Variants in MED14 observed in about 807,000 individuals in gnomAD.
The protein encoded by MED14 is mediator of RNA polymerase II transcription subunit 14.
A neutral mutation model predicts 109.0 loss-of-function variants in MED14; 8 were observed. The ratio of observed to expected loss-of-function variants is 0.07; its 90% CI spans 0.04 to 0.13. The LOEUF (loss-of-function observed/expected upper bound fraction) is 0.13, where lower values mean the gene tolerates loss of function less well. Ranked by LOEUF, MED14 falls within the 10% of genes least tolerant of loss-of-function variation. The pLI, the probability that MED14 is intolerant of heterozygous loss-of-function variation, is 1.00. For synonymous variants in MED14, 399 were observed against 408.7 expected (o/e 0.98, Z 0.29); for missense variants, 711 against 1,142.4 (o/e 0.62, Z 5.44).
chrX:40,689,097 G>A (rs975102062), intron 15 of MED14, among the ~76,000 whole-genome samples: 2 of 112,491 alleles, frequency 1.8e-5, no homozygotes, highest in East Asian at 2.8e-4. Context: ...CAGAGATAGT[G>A]CCTGAAACCC....
At chrX:40,668,148 C>T (rs775989400) in intron 23 of MED14, among the ~76,000 whole-genome samples, 21 of 111,183 alleles carry the variant, frequency 1.9e-4, no homozygotes, top group African/African-American at 5.2e-4. Flanking sequence ...TTTGGGAGGG[C>T]GAAGTGGGCG....
intron 1 of MED14, among the ~76,000 whole-genome samples, chrX:40,732,705 A>AT (rs1239650634): frequency 9.2e-6 from 1 of 108,293 alleles, no homozygotes; most frequent in Non-Finnish European, 1.9e-5. Context: ...AGTTGAGCCC[A>AT]TGTCGAGAGG....
intron 3 of MED14, among the ~76,000 whole-genome samples, chrX:40,722,484 A>G (rs928449911): frequency 3.6e-5 from 4 of 111,899 alleles, no homozygotes; most frequent in Admixed American, 1.9e-4. Flanking sequence ...AACAGCCTCA[A>G]AAGAACAAAT....
intron 1 of MED14, 80 bp from the exon 2 acceptor site, chrX:40,729,425 T>C: frequency 1.4e-5 from 13 of 949,013 alleles, no homozygotes; most frequent in Non-Finnish European, 1.7e-5. Context: ...TTTGACTCTA[T>C]TAAATACGTT....
At position 40,654,959 on chromosome X, in the gene MED14, C is replaced by T. The variant is rs1569277219; in HGVS notation, c.4074G>A (p.Val1358=). The T allele has an allele frequency of 8.3e-7, 1 of 1,210,239 alleles. No individual in the cohort carries two copies. ...PIAPPGTPAV[V]LKSKMLFFLQ... ...CAAAAAATAGCATTTTGGATTTCAG[C>T]ACCACAGCAGGCGTCCCAGGAGGTG... The change falls in exon 29 of 31, where the codon GTG becomes GTA. Residue 1358 remains valine (V), a synonymous_variant. Transcript: ENST00000324817.
chrX:40,703,403 ATT>A, intron 11 of MED14, 39 bp downstream of exon 11: 1 of 1,091,795 alleles, frequency 9.2e-7, no homozygotes. Context: ...GTTAAAAATA[ATT>A]TTTCTTACAT....
In MED14 at chrX:40,651,372, T is replaced by G; in HGVS notation, c.*434A>C. On this transcript the variant is annotated 3_prime_UTR_variant, in exon 31 of 31. Transcript: ENST00000324817. ...ATGTAAGGATTCAAAGCGGTCATAT[T>G]AAAATACAGCTTCAATATAAAGTTT... is the stretch of plus-strand genomic sequence containing the variant. The G allele has an allele frequency of 1.3e-6, 1 of 752,072 alleles. No homozygotes were observed. Among genetic ancestry groups the G allele is most frequent in the Non-Finnish European group, 1.6e-6 (1 of 636,674 alleles). 62.0% of individuals were successfully genotyped at this position (752,072 alleles called of 1,213,427 possible). A position where few individuals can be genotyped will look rare whatever the true frequency, so the allele number is the denominator to read the frequency against.
chrX:40,664,843 A>T (rs906932872), intron 24 of MED14, among the ~76,000 whole-genome samples: 1 of 111,555 alleles, frequency 9.0e-6, no homozygotes, highest in Non-Finnish European at 1.9e-5. Flanking sequence ...TTTTAAACCA[A>T]CTTTGACAAA....
chrX:40,679,233 A>G lies in MED14; in HGVS notation c.2880+631T>C, dbSNP rs768537626. Reference sequence around the variant, plus strand: ...TTTTTAAATGCATCAGGCCAGGCACAGATTACATCACGCCTGTAATCCCAG... The same window carrying G: ...TTTTTAAATGCATCAGGCCAGGCACGGATTACATCACGCCTGTAATCCCAG... On this transcript the variant is annotated intron_variant, in intron 21 of 30. Transcript: ENST00000324817. Among the ~76,000 whole-genome samples the G allele has an allele frequency of 5.4e-5, 6 of 111,744 alleles. No homozygotes were observed. In the East Asian group the frequency reaches 1.7e-3, roughly 31 times the overall value.
At chrX:40,678,729 C>T (rs1930004065) in intron 21 of MED14, among the ~76,000 whole-genome samples, 1 of 109,664 alleles carries the variant, frequency 9.1e-6, no homozygotes, top group Non-Finnish European at 1.9e-5. Flanking sequence ...TGGATTTAGC[C>T]CTGGTGGTTG....
chrX:40,675,423 A>G (rs1929880207), intron 21 of MED14, 62 bp from the exon 22 acceptor site: 1 of 867,441 alleles, frequency 1.2e-6, no homozygotes, highest in South Asian at 3.4e-5. Flanking sequence ...AAAATATTTT[A>G]AATTATTTAG....
At position 40,649,895 on chromosome X, in the gene MED14, A is replaced by G; in HGVS notation, c.*1911T>C. ...ACAATGCATTCAGAGATGAGTTATA[A>G]TTAGGAAAAAAGAGTGTCCACTGAA... On this transcript the variant is annotated 3_prime_UTR_variant, in exon 31 of 31. Coordinates refer to ENST00000324817, the MANE Select transcript of MED14 (RefSeq NM_004229.4). 1.3e-6 allele frequency: 1 copy of G among 762,146 alleles called. No homozygotes were observed. The highest frequency in any genetic ancestry group is 1.6e-6 in the Non-Finnish European group (1 of 639,951). 62.8% of individuals were successfully genotyped at this position (762,146 alleles called of 1,213,427 possible). A position where few individuals can be genotyped will look rare whatever the true frequency, so the allele number is the denominator to read the frequency against.
intron 12 of MED14, among the ~76,000 whole-genome samples, chrX:40,697,528 C>T (rs1384071445): frequency 9.0e-6 from 1 of 111,531 alleles, no homozygotes; most frequent in African/African-American, 3.3e-5. Flanking sequence ...TTTATATAGC[C>T]CCAGTTTTTA....
At chrX:40,714,410 GA>G (rs1931443943) in intron 4 of MED14, 126 bp downstream of exon 4, 5 of 724,344 alleles carry the variant, frequency 6.9e-6, no homozygotes, top group South Asian at 8.7e-5. Context: ...TAGTTACAGA[GA>G]AAAAAAGCAA....
intron 3 of MED14, among the ~76,000 whole-genome samples, chrX:40,722,142 CAG>C (rs944755747): frequency 1.1e-4 from 12 of 112,159 alleles, no homozygotes; most frequent in African/African-American, 3.6e-4. Flanking sequence ...CCAGGAGAAA[CAG>C]AGATATGTGA....
intron 22 of MED14, among the ~76,000 whole-genome samples, chrX:40,674,531 A>T (rs1929846161): frequency 8.9e-6 from 1 of 112,256 alleles, no homozygotes; most frequent in Non-Finnish European, 1.9e-5. Context: ...GGATGTGCCA[A>T]AGAGCCTTGC....
chrX:40,713,039 T>C lies in MED14; in HGVS notation c.656A>G (p.Asn219Ser), dbSNP rs1569295512. 1.7e-6 allele frequency: 2 copies of C among 1,165,011 alleles called. No individual in the cohort carries two copies. The highest frequency in any genetic ancestry group is 1.2e-6 in the Non-Finnish European group (1 of 867,458). ...TTCAACACGAAACTTCACCCGGCCA[T>C]TTGCTTTTAGAAGAAAAAGATGAAG... is the stretch of plus-strand genomic sequence containing the variant. Reference protein sequence around the residue: ...PPQLANLTVANGRVKFRVEGE... With the variant: ...PPQLANLTVASGRVKFRVEGE... Residue 219 changes from asparagine (N) to serine (S), a missense_variant, in exon 6 of 31, where the codon AAT becomes AGT. Asn to Ser is a conservative substitution (Grantham distance 46). Coordinates refer to ENST00000324817, the MANE Select transcript of MED14 (RefSeq NM_004229.4).
intron 3 of MED14, among the ~76,000 whole-genome samples, chrX:40,724,825 A>G (rs943043767): frequency 1.3e-4 from 14 of 111,699 alleles, no homozygotes; most frequent in Non-Finnish European, 2.6e-4. Flanking sequence ...GCAGAAATAA[A>G]TGAATTTGAA....
At chrX:40,691,410 A>T (rs1421146274) in intron 15 of MED14, among the ~76,000 whole-genome samples, 1 of 111,181 alleles carries the variant, frequency 9.0e-6, no homozygotes, top group Non-Finnish European at 1.9e-5. Context: ...ACTAAGAGGT[A>T]TAAAAGTAAA....
Sources: gnomAD v4.1 joint callset for allele counts (sites outside exome capture counted in the v4.1 genomes callset) on GRCh38, gnomAD v4.1.1 for gene constraint, MANE v1.5 for transcripts, NCBI Gene and HGNC (gene_info 2026-07-23, HGNC 2026-07-21) for gene names.